The following BRCA1 variants were observed in gnomAD, a reference collection of about 807,000 sequenced individuals.
BRCA1 encodes the protein breast cancer type 1 susceptibility protein.
Under a neutral mutation model 173.7 loss-of-function variants are expected in BRCA1, and 140 were observed. That is an observed-to-expected ratio of 0.81 (90% CI 0.70 to 0.93). BRCA1 has a LOEUF of 0.93. Among genes scored for constraint, BRCA1 ranks in the 40% least tolerant of loss-of-function variants. The pLI, the probability that BRCA1 is intolerant of heterozygous loss-of-function variation, is 0.00. For missense variants in BRCA1, 1,983 were observed against 2,172.5 expected (o/e 0.91, Z 1.73); for synonymous variants, 662 against 756.0 (o/e 0.88, Z 2.04).
chr17:43,100,611 T>TAC (rs2054371726), intron 6 of BRCA1, among the ~76,000 whole-genome samples: 1 of 14,336 alleles, frequency 7.0e-5, no homozygotes, highest in East Asian at 1.7e-3. Context: ...ATATATAACA[T>TAC]ATATATAACA....
intron 1 of BRCA1, chr17:43,148,370 T>G (rs1215167676): frequency 1.3e-5 from 2 of 153,284 alleles, no homozygotes; most frequent in African/African-American, 4.8e-5. Flanking sequence ...ACAGGCTTTG[T>G]GTGAGCAATA....
intron 5 of BRCA1, 86 bp downstream of exon 5, chr17:43,104,782 A>G: frequency 8.2e-7 from 1 of 1,222,806 alleles, no homozygotes; most frequent in Non-Finnish European, 1.2e-6. Flanking sequence ...AGGTCTTATC[A>G]CCACGTCATA....
At chr17:43,096,464 C>T (rs748665512) in intron 8 of BRCA1, among the ~76,000 whole-genome samples, 2 of 149,538 alleles carry the variant, frequency 1.3e-5, no homozygotes, top group Non-Finnish European at 3.0e-5. Flanking sequence ...CCCAGCTACT[C>T]GTGAGATTGA....
rs746727823 is a variant in BRCA1, at chr17:43,092,697, C to G, written c.2834G>C (p.Ser945Thr). The change falls in exon 10 of 23, where the codon AGT becomes ACT. Residue 945 changes from serine (S) to threonine (T), a missense_variant. Ser to Thr is a moderately conservative substitution (Grantham distance 58). Coordinates refer to ENST00000357654, the MANE Select transcript of BRCA1 (RefSeq NM_007294.4). ...ACAAAACCTAGAGCCTCCTTTGATA[C>G]TACATTTGGCATTATCAACTGGCTT... ...KDKPVDNAKC[S>T]IKGGSRFCLS... is the part of the protein sequence containing the mutation. 1.9e-6 allele frequency: 3 copies of G among 1,614,086 alleles called. No homozygotes were observed. Among genetic ancestry groups the G allele is most frequent in the Non-Finnish European group, 2.5e-6 (3 of 1,180,002 alleles).
rs1249831548 is a variant in BRCA1 at position 43,131,287 on chromosome 17, T to C, written c.-19-7172A>G. 2.1e-5 allele frequency: 10 copies of C among 468,546 alleles called. No homozygotes were observed. The East Asian group carries it at 6.9e-4, about 32-fold the overall frequency. The allele number at this position is 468,546 out of a possible 1,614,324, so 29.0% of individuals were successfully genotyped here. On this transcript the variant is annotated intron_variant, in intron 1 of 7. Transcript: ENST00000634433. Reference sequence around the variant, plus strand: ...GATGAAGAGGTAAAGTATATTATGGTACTTATTGCTAGGTGTTCAGAATAG... The same window carrying C: ...GATGAAGAGGTAAAGTATATTATGGCACTTATTGCTAGGTGTTCAGAATAG...
rs775348455 is a variant in BRCA1 at position 43,079,340 on chromosome 17, T to C, written c.4358-2726A>G. 22 of 1,594,642 alleles carry C rather than the reference T, an allele frequency of 1.4e-5. No homozygotes were observed. Among genetic ancestry groups the C allele is most frequent in the Middle Eastern group, 1.8e-4 (1 of 5,606 alleles). On this transcript the variant is annotated intron_variant, in intron 12 of 22. Transcript: ENST00000357654. ...AGGGAAAGAGGAGAGGCACCTGATA[T>C]ATGTTCTCTAGGCCTTTTAGAAAAC... is the stretch of plus-strand genomic sequence containing the variant.
chr17:43,150,355 T>C (rs2056152829), intron 1 of BRCA1, among the ~76,000 whole-genome samples: 1 of 151,926 alleles, frequency 6.6e-6, no homozygotes, highest in Admixed American at 6.6e-5. Flanking sequence ...AGTGATATGC[T>C]TGTCAAAGTG....
intron 9 of BRCA1, among the ~76,000 whole-genome samples, chr17:43,095,192 T>C (rs2054081926): frequency 6.6e-6 from 1 of 152,208 alleles, no homozygotes; most frequent in African/African-American, 2.4e-5. Flanking sequence ...TTACTGGCCA[T>C]TAAGTCTACT....
At chr17:43,118,212 T>A (rs8176092) in intron 2 of BRCA1, among the ~76,000 whole-genome samples, 4 of 151,882 alleles carry the variant, frequency 2.6e-5, no homozygotes, top group Admixed American at 6.6e-5. Context: ...AGGCAAACCC[T>A]GAGCAGGACC....
intron 13 of BRCA1, 110 bp from the exon 14 acceptor site, chr17:43,074,631 GA>G: frequency 9.7e-7 from 1 of 1,031,094 alleles, no homozygotes; most frequent in Non-Finnish European, 1.5e-6. Context: ...AGAGAGATCA[GA>G]AATGACTGGC....
chr17:43,048,618 G>A (rs1316104904), intron 21 of BRCA1, among the ~76,000 whole-genome samples: 2 of 151,004 alleles, frequency 1.3e-5, no homozygotes, highest in East Asian at 1.9e-4. Flanking sequence ...ACGTTCAAGC[G>A]ATGCTCACAC....
intron 18 of BRCA1, among the ~76,000 whole-genome samples, chr17:43,062,262 T>TA (rs1173543656): frequency 2.6e-5 from 4 of 151,470 alleles, no homozygotes; most frequent in South Asian, 2.1e-4. Flanking sequence ...CCCGGCTAAT[T>TA]AAAAAAAAAT....
intron 2 of BRCA1, among the ~76,000 whole-genome samples, chr17:43,116,144 A>G (rs2055285605): frequency 6.6e-6 from 1 of 152,204 alleles, no homozygotes; most frequent in Non-Finnish European, 1.5e-5. Flanking sequence ...TAAGCTCCAT[A>G]AAGACAAAAT....
At position 43,092,468 on chromosome 17, in the gene BRCA1, A is replaced by G. The variant is rs1364539273; in HGVS notation, c.3063T>C (p.Ser1021=). ...TATTACGGCTAATTGTGCTCACTGTACTTGGAATGTTCTCATTTCCCATTT... is the reference window on the plus strand; with the variant it reads ...TATTACGGCTAATTGTGCTCACTGTGCTTGGAATGTTCTCATTTCCCATTT... ...EREMGNENIP[S]TVSTISRNNI... The change falls in exon 10 of 23, where the codon AGT becomes AGC. Residue 1021 remains serine, a synonymous_variant. Coordinates refer to ENST00000357654, the MANE Select transcript of BRCA1 (RefSeq NM_007294.4). The G allele has an allele frequency of 3.7e-6, 6 of 1,614,034 alleles. No individual in the cohort carries two copies. The highest frequency in any genetic ancestry group is 5.1e-6 in the Non-Finnish European group (6 of 1,179,988).
intron 2 of BRCA1, among the ~76,000 whole-genome samples, chr17:43,120,519 A>C (rs2055496588): frequency 6.6e-6 from 1 of 151,660 alleles, no homozygotes; most frequent in African/African-American, 2.4e-5. Context: ...TAATCCCAGC[A>C]CTTTGGGAGG....
intron 18 of BRCA1, among the ~76,000 whole-genome samples, chr17:43,057,593 T>C (rs1290275307): frequency 6.6e-6 from 1 of 150,402 alleles, no homozygotes; most frequent in Non-Finnish European, 1.5e-5. Context: ...CCCAGGACTT[T>C]GGGAGGCCGA....
intron 1 of BRCA1, among the ~76,000 whole-genome samples, chr17:43,145,548 G>C (rs1200881184): frequency 1.3e-5 from 2 of 151,992 alleles, no homozygotes; most frequent in Non-Finnish European, 2.9e-5. Flanking sequence ...GGATGGTCTC[G>C]ATCTCCTGAC....
rs876660463 is a variant in BRCA1, at chr17:43,093,336, T to G, written c.2195A>C (p.Glu732Ala). Residue 732 changes from glutamate (E) to alanine (A), a missense_variant, in exon 10 of 23, where the codon GAA (glutamate) becomes GCA (alanine). Transcript: ENST00000357654. ...VNPSLPREEK[E>A]EKLETVKVSN... Reference sequence around the variant, plus strand: ...CACTTTAACTGTTTCTAGTTTCTCTTCTTTTTCTTCTCTTGGAAGGCTAGG... The same window carrying G: ...CACTTTAACTGTTTCTAGTTTCTCTGCTTTTTCTTCTCTTGGAAGGCTAGG... 6.2e-7 allele frequency: 1 copy of G among 1,613,392 alleles called. No individual in the cohort carries two copies. The highest frequency in any genetic ancestry group is 1.3e-5 in the African/African-American group (1 of 74,808).
At chr17:43,063,466 A>G in intron 17 of BRCA1, 93 bp from the exon 18 acceptor site, 1 of 1,057,608 alleles carries the variant, frequency 9.5e-7, no homozygotes, top group Non-Finnish European at 1.5e-6. Flanking sequence ...AAAAGAGCAC[A>G]GGAAGAATGA....
Sources: allele counts gnomAD v4.1 joint callset (sites outside exome capture counted in the v4.1 genomes callset), GRCh38; gene constraint gnomAD v4.1.1; transcripts MANE v1.5; gene names NCBI Gene and HGNC (gene_info 2026-07-23, HGNC 2026-07-21).